TRIM29: variants seen among roughly 807,000 people sequenced by gnomAD.
TRIM29 encodes the protein tripartite motif containing 29, also known as tripartite motif-containing protein 29.
A neutral mutation model predicts 57.3 loss-of-function variants in TRIM29; 52 were observed. That is an observed-to-expected ratio of 0.91 (90% CI 0.73 to 1.14). The LOEUF (loss-of-function observed/expected upper bound fraction) is 1.14, where lower values mean the gene tolerates loss of function less well. TRIM29 is among the 50% of genes most tolerant of loss of function. TRIM29 has a pLI of 0.00. For missense variants in TRIM29, 753 were observed against 774.6 expected, an observed-to-expected ratio of 0.97 and a Z score of 0.33; for synonymous variants, 319 against 316.9, an observed-to-expected ratio of 1.01 and a Z score of -0.07.
chr11:120,118,619 C>T (rs1863348340), intron 6 of TRIM29, among the ~76,000 whole-genome samples: 1 of 150,880 alleles, frequency 6.6e-6, no homozygotes, highest in African/African-American at 2.4e-5. Flanking sequence ...ACCCCCACCA[C>T]CCACCCACCA....
intron 7 of TRIM29, chr11:120,117,077 C>T: frequency 2.4e-6 from 1 of 424,796 alleles, no homozygotes; most frequent in South Asian, 1.7e-5. Flanking sequence ...GAGAGAGAGG[C>T]ATTAGTGGCA....
At position 120,120,616 on chromosome 11, in the gene TRIM29, C is replaced by T. The variant is rs778017337; in HGVS notation, c.1485G>A (p.Lys495=). Residue 495 remains lysine, a synonymous_variant, in exon 6 of 9, where the codon AAG becomes AAA. Transcript: ENST00000341846. The part of the protein sequence containing the change: ...YQPSSPGRFT[K]ETTQKNFNNL... ...TGTTGAAATTCTTCTGGGTGGTCTC[C>T]TTGGTGAAGCGGCCAGGAGACGAGG... The T allele has an allele frequency of 1.9e-6, 3 of 1,613,872 alleles. No homozygotes were observed. Among genetic ancestry groups the T allele is most frequent in the Admixed American group, 1.7e-5 (1 of 59,990 alleles).
At position 120,112,483 on chromosome 11, in the gene TRIM29, G is replaced by A. The variant is rs551876247; in HGVS notation, c.1705-7C>T. The A allele has an allele frequency of 2.5e-6, 4 of 1,613,724 alleles. No homozygotes were observed. The highest frequency in any genetic ancestry group is 3.4e-6 in the Non-Finnish European group (4 of 1,179,772). ...AGAATGGCCGGTAGTGAGACTGTGG[G>A]GGAAACAAGAGTGGTCAGCGAGGCC... On this transcript the variant is annotated splice_region_variant and splice_polypyrimidine_tract_variant and intron_variant, in intron 8 of 8. Coordinates refer to ENST00000341846, the MANE Select transcript of TRIM29 (RefSeq NM_012101.4).
chr11:120,112,638 CA>C (rs1565310853), intron 8 of TRIM29, among the ~76,000 whole-genome samples, 162 bp from the exon 9 acceptor site: 1 of 152,108 alleles, frequency 6.6e-6, no homozygotes, highest in Non-Finnish European at 1.5e-5. Flanking sequence ...ACCCTGTGAT[CA>C]GGGGCTGGTC....
chr11:120,128,885 T>TCAGCC (rs1565319714), intron 1 of TRIM29: 3 of 1,462,104 alleles, frequency 2.1e-6, no homozygotes, highest in Non-Finnish European at 2.7e-6. Context: ...CCAGCCCAGC[T>TCAGCC]CAGCCCAGCC....
In TRIM29 at chr11:120,137,705, G is replaced by C; in HGVS notation, c.327C>G (p.Leu109=). 6.2e-7 allele frequency: 1 copy of C among 1,613,220 alleles called. No individual in the cohort carries two copies. Among genetic ancestry groups the C allele is most frequent in the Non-Finnish European group, 8.5e-7 (1 of 1,180,000 alleles). Residue 109 remains leucine (L), a synonymous_variant, in exon 1 of 9, where the codon CTC becomes CTG. Transcript: ENST00000341846. The surrounding 1 kb of genome is among the most constrained non-coding windows in gnomAD (Gnocchi z 6.2). ...MEGKRSPYAG[L]QLGAAKKPPV... Reference sequence around the variant, plus strand: ...GTGGCTTCTTGGCAGCCCCCAGCTGGAGCCCTGCGTACGGCGACCTCTTGC... The same window carrying C: ...GTGGCTTCTTGGCAGCCCCCAGCTGCAGCCCTGCGTACGGCGACCTCTTGC...
chr11:120,133,123 A>C (rs532286574), intron 1 of TRIM29, among the ~76,000 whole-genome samples: 1 of 152,234 alleles, frequency 6.6e-6, no homozygotes, highest in African/African-American at 2.4e-5. Context: ...ACCCAGCTAC[A>C]CATTAGAATT....
chr11:120,123,614 G>A (rs749069137), intron 4 of TRIM29, among the ~76,000 whole-genome samples: 3 of 152,194 alleles, frequency 2.0e-5, no homozygotes, highest in Non-Finnish European at 2.9e-5. Context: ...TATGGCAGGG[G>A]CCACTCAACT....
chr11:120,112,304 G>A lies in TRIM29; in HGVS notation c.*110C>T. The stretch of plus-strand genomic sequence containing the variant: ...TGGCAGAGGGCTGCAGAGGGCAGGT[G>A]CAGGACCAGGCTCCCTCCCACCCAG... On this transcript the variant is annotated 3_prime_UTR_variant, in exon 9 of 9. Transcript: ENST00000341846. 7.4e-7 allele frequency: 1 copy of A among 1,354,320 alleles called. No individual in the cohort carries two copies. Among genetic ancestry groups the A allele is most frequent in the Non-Finnish European group, 1.0e-6 (1 of 966,084 alleles). 83.9% of individuals were successfully genotyped at this position (1,354,320 alleles called of 1,614,324 possible). A position where few individuals can be genotyped will look rare whatever the true frequency, so the allele number is the denominator to read the frequency against.
At chr11:120,121,956 A>T in intron 5 of TRIM29, 1 of 448,854 alleles carries the variant, frequency 2.2e-6, no homozygotes, top group Non-Finnish European at 4.5e-6. Context: ...CACCCCAGGC[A>T]GGGAGGAGGC....
chr11:120,123,123 T>C, intron 4 of TRIM29, 68 bp from the exon 5 acceptor site: 3 of 1,410,400 alleles, frequency 2.1e-6, no homozygotes, highest in South Asian at 1.2e-5. Context: ...CTGGGGACTT[T>C]TGGGGCTCAG....
Position 120,137,137 on chromosome 11 carries a change from C to A in TRIM29, c.804+91G>T. On this transcript the variant is annotated intron_variant, in intron 1 of 8. Transcript: ENST00000341846. The surrounding 1 kb of genome is among the most constrained non-coding windows in gnomAD (Gnocchi z 6.2). ...GGACAGTAGAAACTTAAGCCCCAAA[C>A]CCGAGGAAGCCCGAGTGGAGAAGAT... 1.4e-6 allele frequency: 2 copies of A among 1,435,434 alleles called. No individual in the cohort carries two copies. The highest frequency in any genetic ancestry group is 2.5e-5 in the South Asian group (2 of 79,334). 88.9% of individuals were successfully genotyped at this position (1,435,434 alleles called of 1,614,324 possible).
At chr11:120,113,544 G>A in intron 8 of TRIM29, 1 of 450,492 alleles carries the variant, frequency 2.2e-6, no homozygotes, top group Non-Finnish European at 4.5e-6. Context: ...CACCTCAAGG[G>A]TACACTGCCT....
chr11:120,114,812 C>A lies in TRIM29; in HGVS notation c.1704+526G>T, dbSNP rs559039751. 2.0e-5 allele frequency among the ~76,000 whole-genome samples: 3 copies of A among 152,338 alleles called. No individual in the cohort carries two copies. In the South Asian group the frequency reaches 6.2e-4, roughly 32 times the overall value. On this transcript the variant is annotated intron_variant, in intron 8 of 8. Transcript: ENST00000341846. ...CCCAAAGCCATGCTTCCCTGTCATG[C>A]TGCTCTTCTGATATGCCTGGCCTCG...
In TRIM29 at chr11:120,111,438, CCT is replaced by C. The variant is rs1236175561; in HGVS notation, c.*974_*975del. ...CACTGTGCTGCTCCTGGTTTTGTCT[CCT>C]CTCCAATCCTTGAGCACCCTGATAT... On this transcript the variant is annotated 3_prime_UTR_variant, in exon 9 of 9. Transcript: ENST00000341846. 1 of 152,258 alleles carries C rather than the reference CCT, an allele frequency of 6.6e-6. No homozygotes were observed. Among genetic ancestry groups the C allele is most frequent in the Non-Finnish European group, 1.5e-5 (1 of 68,080 alleles). The allele number at this position is 152,258 out of a possible 1,614,324, so 9.4% of individuals were successfully genotyped here. A position where few individuals can be genotyped will look rare whatever the true frequency, so the allele number is the denominator to read the frequency against.
chr11:120,117,939 T>C (rs1863317774), intron 7 of TRIM29: 1 of 459,946 alleles, frequency 2.2e-6, no homozygotes. Flanking sequence ...GCAGGGGGTA[T>C]GGCATGTCCC....
chr11:120,122,440 C>A (rs1863479216), intron 5 of TRIM29, among the ~76,000 whole-genome samples: 1 of 152,136 alleles, frequency 6.6e-6, no homozygotes, highest in South Asian at 2.1e-4. Flanking sequence ...TGTCCAGGGC[C>A]TGAGAGGGAG....
At chr11:120,123,825 C>A in intron 4 of TRIM29, 1 of 289,866 alleles carries the variant, frequency 3.4e-6, no homozygotes, top group Non-Finnish European at 6.7e-6. Flanking sequence ...TCCTGGTGCA[C>A]AGCAGATACT....
In TRIM29 at chr11:120,137,737, T is replaced by C. The variant is rs1863849854; in HGVS notation, c.295A>G (p.Met99Val). The C allele has an allele frequency of 1.2e-6, 2 of 1,612,402 alleles. No individual in the cohort carries two copies. Among genetic ancestry groups the C allele is most frequent in the Non-Finnish European group, 1.7e-6 (2 of 1,179,992 alleles). Reference protein sequence around the residue: ...KNSNYFSMDSMEGKRSPYAGL... With the variant: ...KNSNYFSMDSVEGKRSPYAGL... ...GCGTACGGCGACCTCTTGCCTTCCA[T>C]AGAGTCCATGCTGAAGTAGTTGGAG... The change falls in exon 1 of 9, where the codon ATG becomes GTG. Residue 99 changes from methionine to valine, a missense_variant. Physicochemically the swap from Met to Val is conservative, Grantham distance 21. Coordinates refer to ENST00000341846, the MANE Select transcript of TRIM29 (RefSeq NM_012101.4). This position sits in a 1 kb window ranked among gnomAD's most constrained non-coding sequence, Gnocchi z 6.2.
Sources: gnomAD v4.1 joint callset for allele counts (sites outside exome capture counted in the v4.1 genomes callset) on GRCh38, gnomAD v4.1.1 for gene constraint, Gnocchi (gnomAD v3.1) non-coding constraint, MANE v1.5 for transcripts, NCBI Gene and HGNC (gene_info 2026-07-23, HGNC 2026-07-21) for gene names.